The following C16orf96 variants were observed in gnomAD, a reference collection of about 807,000 sequenced individuals.
C16orf96 encodes chromosome 16 open reading frame 96, also known as uncharacterized protein C16orf96.
Under a neutral mutation model 103.6 loss-of-function variants are expected in C16orf96, and 108 were observed. The observed-to-expected ratio is 1.04, with a 90% CI of 0.89 to 1.22. The LOEUF (loss-of-function observed/expected upper bound fraction) is 1.22. C16orf96 is among the 50% of genes most tolerant of loss of function. C16orf96 has a pLI of 0.00. For missense variants in C16orf96, 1,586 were observed against 1,464.2 expected, an observed-to-expected ratio of 1.08 and a Z score of -1.36; for synonymous variants, 566 against 593.5, an observed-to-expected ratio of 0.95 and a Z score of 0.67.
chr16:4,539,834 C>T, the C16orf96 span, among the ~76,000 whole-genome samples: 1 of 152,164 alleles, frequency 6.6e-6, no homozygotes, highest in Admixed American at 6.5e-5. Flanking sequence ...ACCCTGCAGT[C>T]TGATGCACCA....
rs934541733 is a variant in C16orf96, at chr16:4,593,082, C to T, written c.2775-142C>T. ...GCCCCTTCTACTTCTATGCTGTGGA[C>T]GCTTCTGGCATTCGAGGGTGGTGAC... On this transcript the variant is annotated intron_variant, in intron 11 of 15. Transcript: ENST00000444310. The surrounding 1 kb of genome is among the most constrained non-coding windows in gnomAD (Gnocchi z 4.2). 1.4e-5 allele frequency: 10 copies of T among 730,660 alleles called. No individual in the cohort carries two copies. Among genetic ancestry groups the T allele is most frequent in the Non-Finnish European group, 2.1e-5 (9 of 432,236 alleles). The allele number at this position is 730,660 out of a possible 1,614,324, so 45.3% of individuals were successfully genotyped here. A position where few individuals can be genotyped will look rare whatever the true frequency, so the allele number is the denominator to read the frequency against.
chr16:4,551,582 G>A (rs2059228149), upstream of C16orf96, among the ~76,000 whole-genome samples: 1 of 152,100 alleles, frequency 6.6e-6, no homozygotes, highest in Non-Finnish European at 1.5e-5. Context: ...CTCCCCAGTA[G>A]CTGGGACTAC....
intron 7 of C16orf96, among the ~76,000 whole-genome samples, chr16:4,582,794 C>G (rs1411365079): frequency 6.6e-6 from 1 of 152,160 alleles, no homozygotes; most frequent in African/African-American, 2.4e-5. Context: ...TGGGGGTGAG[C>G]AGGGGCTGCA....
In C16orf96 at chr16:4,575,045, C is replaced by T; in HGVS notation, c.680C>T (p.Ala227Val). ...GTGCTCTGGAGTGGCCTTCATGATGCCATGTTCACCTCAGTGAGTGAGGAA... is the reference window on the plus strand; with the variant it reads ...GTGCTCTGGAGTGGCCTTCATGATGTCATGTTCACCTCAGTGAGTGAGGAA... ...DMVLWSGLHD[A>V]MFTSEIGSSP... Residue 227 changes from alanine (A) to valine (V), a missense_variant, in exon 4 of 16, where the codon GCC becomes GTC. Transcript: ENST00000444310. 1.3e-6 allele frequency: 2 copies of T among 1,551,462 alleles called. No individual in the cohort carries two copies. Among genetic ancestry groups the T allele is most frequent in the Non-Finnish European group, 1.7e-6 (2 of 1,146,998 alleles).
At chr16:4,539,500 A>G in the C16orf96 span, among the ~76,000 whole-genome samples, 3 of 152,214 alleles carry the variant, frequency 2.0e-5, no homozygotes, top group African/African-American at 7.2e-5. Context: ...CCTGGCCAAC[A>G]TGGTGAAACC....
upstream of C16orf96, among the ~76,000 whole-genome samples, chr16:4,552,160 T>TA: frequency 6.6e-6 from 1 of 152,072 alleles, no homozygotes; most frequent in Non-Finnish European, 1.5e-5. Context: ...TGAACCCTTT[T>TA]ATGTATGTAA....
Position 4,594,684 on chromosome 16 carries a change from G to A in C16orf96, c.3028-20G>A. 1 of 1,550,876 alleles carries A rather than the reference G, an allele frequency of 6.4e-7. No homozygotes were observed. The highest frequency in any genetic ancestry group is 8.7e-7 in the Non-Finnish European group (1 of 1,146,680). On this transcript the variant is annotated intron_variant, in intron 13 of 15. Transcript: ENST00000444310. ...ATCGGGTCGGGGGCTCCCTAACCCG[G>A]GACCTGGGCCATCCAACAGGCCGAG... is the stretch of plus-strand genomic sequence containing the variant.
At chr16:4,581,534 G>C (rs1179376487) in intron 7 of C16orf96, among the ~76,000 whole-genome samples, 3 of 151,996 alleles carry the variant, frequency 2.0e-5, no homozygotes, top group African/African-American at 7.3e-5. Flanking sequence ...TCAGGAGGCT[G>C]AGGCAGGAGA....
At chr16:4,561,551 G>A (rs1036764828) in intron 1 of C16orf96, 1 of 152,238 alleles carries the variant, frequency 6.6e-6, no homozygotes, top group African/African-American at 2.4e-5. Flanking sequence ...CTTCTAAAAA[G>A]CAGCTCAACA....
chr16:4,575,028 G>C lies in C16orf96; in HGVS notation c.663G>C (p.Trp221Cys). The C allele has an allele frequency of 6.4e-7, 1 of 1,551,518 alleles. No homozygotes were observed. The highest frequency in any genetic ancestry group is 8.7e-7 in the Non-Finnish European group (1 of 1,147,014). ...TIPKTEDMVL[W>C]SGLHDAMFTS... ...CCAAAACCGAGGACATGGTGCTCTG[G>C]AGTGGCCTTCATGATGCCATGTTCA... is the stretch of plus-strand genomic sequence containing the variant. Residue 221 changes from tryptophan (W) to cysteine (C), a missense_variant, in exon 4 of 16, where the codon TGG becomes TGC. Transcript: ENST00000444310.
At chr16:4,567,100 T>C (rs1325042075) in intron 1 of C16orf96, among the ~76,000 whole-genome samples, 3 of 152,102 alleles carry the variant, frequency 2.0e-5, no homozygotes, top group Non-Finnish European at 1.5e-5. Flanking sequence ...GGTTAAGTTA[T>C]TGATTCAAGA....
In C16orf96 at chr16:4,575,374, T is replaced by G. The variant is rs1250826555; in HGVS notation, c.894T>G (p.Val298=). 2.6e-6 allele frequency: 4 copies of G among 1,551,074 alleles called. No homozygotes were observed. The East Asian group carries it at 7.3e-5, about 28-fold the overall frequency. The change falls in exon 5 of 16, where the codon GTT becomes GTG. Residue 298 remains valine, a synonymous_variant. Coordinates refer to ENST00000444310, the MANE Select transcript of C16orf96 (RefSeq NM_001145011.2). ...CGGAGGGCTCATCTGCCCAAGCAGT[T>G]TCACTCAGCAGAGCCCAGGAGCCAG... ...LLPEGSSAQA[V]SLSRAQEPAQ... is the part of the protein sequence containing the mutation.
At position 4,556,366 on chromosome 16, in the gene C16orf96, G is replaced by C; in HGVS notation, c.-124G>C. 1 of 965,680 alleles carries C rather than the reference G, an allele frequency of 1.0e-6. No individual in the cohort carries two copies. Among genetic ancestry groups the C allele is most frequent in the Non-Finnish European group, 1.5e-6 (1 of 674,994 alleles). 59.8% of individuals were successfully genotyped at this position (965,680 alleles called of 1,614,324 possible). A position where few individuals can be genotyped will look rare whatever the true frequency, so the allele number is the denominator to read the frequency against. ...GAACAGAGGCCATTCCTCCCTGACT[G>C]CTGTGACTCACCACCACCCCAGGCC... is the stretch of plus-strand genomic sequence containing the variant. On this transcript the variant is annotated 5_prime_UTR_variant, in exon 1 of 16. Coordinates refer to ENST00000444310, the MANE Select transcript of C16orf96 (RefSeq NM_001145011.2).
the C16orf96 span, among the ~76,000 whole-genome samples, chr16:4,539,058 C>T: frequency 4.7e-4 from 71 of 152,292 alleles, no homozygotes; most frequent in Non-Finnish European, 7.2e-4. Context: ...TTCTTTTATG[C>T]GACTAATATT....
At chr16:4,540,196 C>A in the C16orf96 span, among the ~76,000 whole-genome samples, 1 of 152,258 alleles carries the variant, frequency 6.6e-6, no homozygotes, top group African/African-American at 2.4e-5. Context: ...CCACAAAATG[C>A]CCAGGACTGT....
intron 1 of C16orf96, among the ~76,000 whole-genome samples, chr16:4,564,074 C>G (rs977182587): frequency 6.6e-6 from 1 of 151,770 alleles, no homozygotes; most frequent in African/African-American, 2.4e-5. Context: ...GAGGCTGAGA[C>G]AAGAGAATTG....
chr16:4,579,811 G>T (rs117158230), intron 6 of C16orf96, among the ~76,000 whole-genome samples: 1,784 of 152,024 alleles, frequency 0.012, 132 homozygotes, highest in Admixed American at 0.096. Flanking sequence ...TGGTTTCGCC[G>T]TGTTGGGCAG....
At position 4,576,090 on chromosome 16, in the gene C16orf96, G is replaced by A. The variant is rs776192006; in HGVS notation, c.1610G>A (p.Gly537Glu). The change falls in exon 5 of 16, where the codon GGG becomes GAG. Residue 537 changes from glycine to glutamate, a missense_variant. By Grantham distance (98) the Gly-to-Glu change is moderately conservative (BLOSUM62 -2). Transcript: ENST00000444310. ...DVPKDRGGKD[G>E]DPKDRVGKDG... is the part of the protein sequence containing the mutation. ...CCCAAAGATAGAGGTGGCAAAGATG[G>A]GGACCCCAAGGATAGAGTTGGCAAG... 1.9e-6 allele frequency: 3 copies of A among 1,551,200 alleles called. No individual in the cohort carries two copies. The South Asian group carries it at 3.6e-5, about 18-fold the overall frequency.
intron 14 of C16orf96, among the ~76,000 whole-genome samples, chr16:4,597,416 T>C (rs2896906): frequency 0.22 from 33,392 of 152,136 alleles, 4,067 homozygotes; most frequent in African/African-American, 0.31. Context: ...CCACATCTGA[T>C]GCACCCAGTC....
Sources: allele counts gnomAD v4.1 joint callset (sites outside exome capture counted in the v4.1 genomes callset), GRCh38; gene constraint gnomAD v4.1.1; non-coding constraint Gnocchi (gnomAD v3.1); transcripts MANE v1.5; gene names NCBI Gene and HGNC (gene_info 2026-07-23, HGNC 2026-07-21).